Variants in ZXDC observed in about 807,000 individuals in gnomAD.
ZXDC encodes zinc finger protein ZXDC.
ZXDC carries 58 observed loss-of-function variants against 63.6 expected under a neutral mutation model. The observed-to-expected ratio is 0.91, with a 90% CI of 0.74 to 1.13. ZXDC has a LOEUF of 1.13. Ranked by LOEUF, ZXDC falls within the 50% of genes most tolerant of loss-of-function variation. ZXDC has a pLI of 0.00. For synonymous variants in ZXDC, 561 were observed against 496.1 expected (o/e 1.13, Z -1.74); for missense variants, 1,133 against 1,148.9 (o/e 0.99, Z 0.20).
chr3:126,458,846 C>T, intron 7 of ZXDC: 1 of 985,406 alleles, frequency 1.0e-6, no homozygotes, highest in South Asian at 4.7e-5. Flanking sequence ...CTTCCTAAGT[C>T]ACAATTCACA....
chr3:126,444,488 T>A lies in ZXDC; in HGVS notation c.2213-2542A>T, dbSNP rs57450007. Among the ~76,000 whole-genome samples, 491 of 151,614 alleles carry A rather than the reference T, an allele frequency of 3.2e-3. 5 individuals carry two copies. Among genetic ancestry groups the A allele is most frequent in the African/African-American group, 0.011 (461 of 41,260 alleles). ...CAGAGCTTGCAGTGAGCCGAGATCA[T>A]GCCACTGCACTCCAGCCTGGGTGAC... On this transcript the variant is annotated intron_variant, in intron 7 of 9. Coordinates refer to ENST00000389709, the MANE Select transcript of ZXDC (RefSeq NM_025112.5).
At chr3:126,456,129 A>G (rs1173338744) in intron 7 of ZXDC, among the ~76,000 whole-genome samples, 1 of 152,258 alleles carries the variant, frequency 6.6e-6, no homozygotes, top group Non-Finnish European at 1.5e-5. Flanking sequence ...GAAAATCACC[A>G]TTAAACCCCA....
At chr3:126,453,885 A>G in intron 7 of ZXDC, 1 of 984,702 alleles carries the variant, frequency 1.0e-6, no homozygotes, top group Non-Finnish European at 1.2e-6. Flanking sequence ...TTCTTCTTTC[A>G]CCTGATTGTC....
Position 126,439,612 on chromosome 3 carries a change from G to C in ZXDC, c.2490+20C>G, listed in dbSNP as rs1227991967. The C allele has an allele frequency of 6.4e-7, 1 of 1,551,600 alleles. No individual in the cohort carries two copies. The highest frequency in any genetic ancestry group is 8.7e-7 in the Non-Finnish European group (1 of 1,147,070). On this transcript the variant is annotated intron_variant, in intron 9 of 9. Transcript: ENST00000389709. ...TGCGAGTCTCAATAAGAAAAACAAAGGGCAGTAAGGCATCCAGACCTGGAG... is the reference window on the plus strand; with the variant it reads ...TGCGAGTCTCAATAAGAAAAACAAACGGCAGTAAGGCATCCAGACCTGGAG...
chr3:126,458,742 T>C (rs1934407397), intron 7 of ZXDC: 2 of 985,452 alleles, frequency 2.0e-6, no homozygotes, highest in Non-Finnish European at 2.4e-6. Flanking sequence ...TTCCTTGGTA[T>C]ATGGTCAACT....
chr3:126,442,060 C>T, intron 7 of ZXDC, 114 bp from the exon 8 acceptor site: 1 of 1,237,658 alleles, frequency 8.1e-7, no homozygotes, highest in Non-Finnish European at 1.1e-6. Flanking sequence ...TCATTCTGCA[C>T]AGCTAAGAGA....
chr3:126,464,496 T>C (rs1431458693), intron 5 of ZXDC, among the ~76,000 whole-genome samples: 5 of 152,218 alleles, frequency 3.3e-5, no homozygotes. Context: ...ACACCTGGTC[T>C]TCTACCCCTG....
At chr3:126,470,383 C>T (rs1302454911) in intron 4 of ZXDC, among the ~76,000 whole-genome samples, 4 of 152,214 alleles carry the variant, frequency 2.6e-5, no homozygotes, top group Non-Finnish European at 5.9e-5. Context: ...ATAAGAATCA[C>T]TTAAACCTGG....
intron 7 of ZXDC, among the ~76,000 whole-genome samples, chr3:126,444,792 G>A (rs1380127932): frequency 5.9e-5 from 9 of 152,180 alleles, no homozygotes; most frequent in Non-Finnish European, 8.8e-5. Context: ...TTTGCAAAAT[G>A]TGTGCTAGAA....
chr3:126,457,671 A>C (rs2107643310), intron 7 of ZXDC: 1 of 985,114 alleles, frequency 1.0e-6, no homozygotes, highest in East Asian at 1.1e-4. Context: ...AGGGTAAAAA[A>C]ACGAGAAGCT....
intron 4 of ZXDC, among the ~76,000 whole-genome samples, chr3:126,467,076 A>G (rs1404833755): frequency 6.6e-6 from 1 of 152,204 alleles, no homozygotes; most frequent in African/African-American, 2.4e-5. Flanking sequence ...AAAGGGCAGA[A>G]GGAAGTCAGT....
chr3:126,467,741 C>T (rs1006750934), intron 4 of ZXDC, among the ~76,000 whole-genome samples: 5 of 152,126 alleles, frequency 3.3e-5, no homozygotes, highest in Non-Finnish European at 7.4e-5. Flanking sequence ...CTCTGCATGC[C>T]CTGCTCACCA....
Position 126,437,846 on chromosome 3 carries a change from G to C in ZXDC, c.*529C>G, listed in dbSNP as rs115066783. 0.015 allele frequency: 2,340 copies of C among 156,704 alleles called. 36 individuals are homozygous for C. The highest frequency in any genetic ancestry group is 0.035 in the South Asian group (186 of 5,254). The allele number at this position is 156,704 out of a possible 1,614,324, so 9.7% of individuals were successfully genotyped here. A position where few individuals can be genotyped will look rare whatever the true frequency, so the allele number is the denominator to read the frequency against. Reference sequence around the variant, plus strand: ...AACTAGCTGCCCGACTGCTCTACCAGACTTGGGCTAGAATTTGGCTTCACG... The same window carrying C: ...AACTAGCTGCCCGACTGCTCTACCACACTTGGGCTAGAATTTGGCTTCACG... On this transcript the variant is annotated 3_prime_UTR_variant, in exon 10 of 10. Coordinates refer to ENST00000389709, the MANE Select transcript of ZXDC (RefSeq NM_025112.5).
At chr3:126,457,298 A>G (rs1560096795) in intron 7 of ZXDC, 1 of 985,436 alleles carries the variant, frequency 1.0e-6, no homozygotes, top group Non-Finnish European at 1.2e-6. Flanking sequence ...AGAGGATGCA[A>G]CACTGTGACA....
chr3:126,454,522 A>T, intron 7 of ZXDC: 1 of 985,336 alleles, frequency 1.0e-6, no homozygotes. Context: ...AACCTTCCCA[A>T]ATATTTCCAT....
chr3:126,455,166 A>C (rs968171916), intron 7 of ZXDC: 5 of 852,506 alleles, frequency 5.9e-6, no homozygotes, highest in African/African-American at 1.8e-5. Flanking sequence ...TTTTTTCCCT[A>C]AACTTAATGC....
intron 7 of ZXDC, chr3:126,442,178 C>T (rs6768015): frequency 0.014 from 6,035 of 431,828 alleles, 187 homozygotes; most frequent in South Asian, 0.12. Flanking sequence ...AAACATCATA[C>T]GTATTTTTTT....
intron 7 of ZXDC, chr3:126,452,400 G>A (rs1490911762): frequency 2.0e-6 from 2 of 985,250 alleles, no homozygotes; most frequent in Non-Finnish European, 2.4e-6. Context: ...TGTGGGCTCT[G>A]CCATCGAGAC....
Position 126,440,310 on chromosome 3 carries a change from G to A in ZXDC, c.2395-583C>T, listed in dbSNP as rs917894050. On this transcript the variant is annotated intron_variant, in intron 8 of 9. Transcript: ENST00000389709. Reference sequence around the variant, plus strand: ...ATTCACACCCCGAAGCGGAGCTCCTGGTGCTGCTGCTCTGCACCTCTCATT... The same window carrying A: ...ATTCACACCCCGAAGCGGAGCTCCTAGTGCTGCTGCTCTGCACCTCTCATT... The A allele has an allele frequency of 5.1e-6, 5 of 988,570 alleles. No individual in the cohort carries two copies. The African/African-American group carries it at 8.7e-5, about 17-fold the overall frequency. 61.2% of individuals were successfully genotyped at this position (988,570 alleles called of 1,614,324 possible). A position where few individuals can be genotyped will look rare whatever the true frequency, so the allele number is the denominator to read the frequency against.
Sources: allele counts gnomAD v4.1 joint callset (sites outside exome capture counted in the v4.1 genomes callset), GRCh38; gene constraint gnomAD v4.1.1; transcripts MANE v1.5; gene names NCBI Gene and HGNC (gene_info 2026-07-23, HGNC 2026-07-21).